PCNX2: variants seen among roughly 807,000 people sequenced by gnomAD.
The protein encoded by PCNX2 is pecanex-like protein 2.
In PCNX2, 168 loss-of-function variants were observed where a neutral mutation model predicts 223.8. The observed-to-expected ratio is 0.75, with a 90% CI of 0.66 to 0.85. PCNX2 has a LOEUF of 0.85. Ranked by LOEUF, PCNX2 falls within the 40% of genes least tolerant of loss-of-function variation. The pLI, the probability that PCNX2 is intolerant of heterozygous loss-of-function variation, is 0.00. For missense variants in PCNX2, 2,507 were observed against 2,675.5 expected (o/e 0.94, Z 1.39); for synonymous variants, 1,006 against 1,052.6 (o/e 0.96, Z 0.86).
intron 20 of PCNX2, among the ~76,000 whole-genome samples, chr1:233,136,711 A>G (rs543126592): frequency 1.2e-4 from 18 of 152,332 alleles, no homozygotes; most frequent in Middle Eastern, 3.4e-3. Flanking sequence ...ATGAAAATAC[A>G]GTATGAAAAG....
intron 30 of PCNX2, 146 bp from the exon 31 acceptor site, chr1:232,999,525 C>T (rs1670004703): frequency 2.2e-6 from 2 of 896,474 alleles, no homozygotes; most frequent in Non-Finnish European, 3.3e-6. Context: ...GCAATCTCAG[C>T]TCACTGCAAC....
intron 21 of PCNX2, among the ~76,000 whole-genome samples, chr1:233,116,185 C>T (rs1675397416): frequency 6.6e-6 from 1 of 152,062 alleles, no homozygotes; most frequent in African/African-American, 2.4e-5. Flanking sequence ...TGATTGGAAA[C>T]TTCAACACAC....
At chr1:233,038,894 A>G (rs886135289) in intron 25 of PCNX2, among the ~76,000 whole-genome samples, 3 of 152,234 alleles carry the variant, frequency 2.0e-5, no homozygotes, top group Admixed American at 2.0e-4. Context: ...CATTTCACAC[A>G]GACAGAAACA....
chr1:233,172,023 T>C (rs1208722828), intron 17 of PCNX2, among the ~76,000 whole-genome samples: 2 of 152,324 alleles, frequency 1.3e-5, no homozygotes, highest in East Asian at 3.9e-4. Flanking sequence ...TGTTTGTTTG[T>C]TTGTTTAGGA....
chr1:233,183,976 T>A (rs1463457231), intron 15 of PCNX2, among the ~76,000 whole-genome samples: 1 of 152,242 alleles, frequency 6.6e-6, no homozygotes, highest in Non-Finnish European at 1.5e-5. Flanking sequence ...TCCATCCACC[T>A]AGGGCTTCTC....
At chr1:233,070,555 A>G (rs1672809026) in intron 23 of PCNX2, among the ~76,000 whole-genome samples, 1 of 152,140 alleles carries the variant, frequency 6.6e-6, no homozygotes, top group African/African-American at 2.4e-5. Flanking sequence ...AGACTGGTTC[A>G]ATGCACAGAA....
rs190230385 is a variant in PCNX2 at position 233,152,942 on chromosome 1, C to T, written c.3517+7341G>A. 1.5e-3 allele frequency among the ~76,000 whole-genome samples: 230 copies of T among 152,306 alleles called. 1 individual carries two copies. The highest frequency in any genetic ancestry group is 5.2e-3 in the African/African-American group (216 of 41,556). ...AGAAGACAAAACTGAATCACAATGG[C>T]GAAGCACACTTAATATGCGACAGAA... On this transcript the variant is annotated intron_variant, in intron 19 of 33. Transcript: ENST00000258229.
chr1:233,158,321 C>T (rs1294746682), intron 19 of PCNX2, among the ~76,000 whole-genome samples: 2 of 152,164 alleles, frequency 1.3e-5, no homozygotes, highest in Non-Finnish European at 2.9e-5. Context: ...TCTCTTTGCA[C>T]ACCCCAAGGT....
Position 233,075,664 on chromosome 1 carries a change from T to C in PCNX2, c.4076+14397A>G, listed in dbSNP as rs143070290. Among the ~76,000 whole-genome samples the C allele has an allele frequency of 1.6e-3, 245 of 150,970 alleles. 2 individuals carry two copies. Among genetic ancestry groups the C allele is most frequent in the Middle Eastern group, 6.9e-3 (2 of 288 alleles). On this transcript the variant is annotated intron_variant, in intron 23 of 33. Transcript: ENST00000258229. ...CATGGGCTCTGTCTCTATTGTTTCATTCAACTGCATTTGAATCTGCAGTTA... is the reference window on the plus strand; with the variant it reads ...CATGGGCTCTGTCTCTATTGTTTCACTCAACTGCATTTGAATCTGCAGTTA...
chr1:233,112,714 C>CGCCGT, intron 21 of PCNX2: 1 of 618,014 alleles, frequency 1.6e-6, no homozygotes, highest in Non-Finnish European at 2.0e-6. Context: ...GATCTTTGAA[C>CGCCGT]AATATAACTA....
intron 21 of PCNX2, among the ~76,000 whole-genome samples, chr1:233,109,610 C>A (rs1359514936): frequency 6.6e-6 from 1 of 152,190 alleles, no homozygotes; most frequent in African/African-American, 2.4e-5. Flanking sequence ...GACAGGTCAG[C>A]AGCAATGGCC....
intron 21 of PCNX2, among the ~76,000 whole-genome samples, chr1:233,099,844 C>T (rs1235314859): frequency 6.6e-6 from 1 of 152,124 alleles, no homozygotes; most frequent in African/African-American, 2.4e-5. Context: ...CACACCAACA[C>T]CTTTCCAGTA....
At chr1:232,992,403 G>A (rs768178050) in intron 32 of PCNX2, among the ~76,000 whole-genome samples, 1 of 152,230 alleles carries the variant, frequency 6.6e-6, no homozygotes, top group Non-Finnish European at 1.5e-5. Flanking sequence ...ACCCTTGCCA[G>A]CCAGGGGACA....
At chr1:233,225,871 G>A (rs547040377) in intron 10 of PCNX2, among the ~76,000 whole-genome samples, 155 of 152,260 alleles carry the variant, frequency 1.0e-3, no homozygotes, top group African/African-American at 3.5e-3. Context: ...CTAAGTGTGT[G>A]CCCCTTGGGT....
At chr1:233,173,197 G>A (rs2102847461) in intron 17 of PCNX2, among the ~76,000 whole-genome samples, 1 of 149,746 alleles carries the variant, frequency 6.7e-6, no homozygotes, top group Admixed American at 6.6e-5. Flanking sequence ...TAAAGACAGA[G>A]CTTCACTCTT....
intron 1 of PCNX2, among the ~76,000 whole-genome samples, chr1:233,286,316 G>A (rs1438041495): frequency 1.3e-5 from 2 of 151,884 alleles, no homozygotes; most frequent in Admixed American, 1.3e-4. Flanking sequence ...TACCATTTGG[G>A]TGGGGGTAGA....
At chr1:232,985,537 A>C in intron 33 of PCNX2, 1 of 172,212 alleles carries the variant, frequency 5.8e-6, no homozygotes, top group Non-Finnish European at 1.2e-5. Context: ...AAGCTCAAGT[A>C]TTCATTTCAT....
chr1:232,994,505 T>C (rs1265537795), intron 32 of PCNX2, among the ~76,000 whole-genome samples: 1 of 152,256 alleles, frequency 6.6e-6, no homozygotes, highest in African/African-American at 2.4e-5. Context: ...GGTCTTGTCT[T>C]GTCTCAGATG....
chr1:233,158,456 A>T (rs1165653729), intron 19 of PCNX2, among the ~76,000 whole-genome samples: 1 of 152,204 alleles, frequency 6.6e-6, no homozygotes, highest in East Asian at 1.9e-4. Flanking sequence ...GGAAAGTTAT[A>T]GATACAAATA....
Sources: allele counts gnomAD v4.1 joint callset (sites outside exome capture counted in the v4.1 genomes callset), GRCh38; gene constraint gnomAD v4.1.1; transcripts MANE v1.5; gene names NCBI Gene and HGNC (gene_info 2026-07-23, HGNC 2026-07-21).